Variants in SMARCA5 observed in about 807,000 individuals in gnomAD.
The protein encoded by SMARCA5 is SNF2 related chromatin remodeling ATPase 5, also known as SWI/SNF-related matrix-associated actin-dependent regulator of chromatin subfamily A member 5.
In SMARCA5, 18 loss-of-function variants were observed where a neutral mutation model predicts 140.4. That is an observed-to-expected ratio of 0.13 (90% CI 0.09 to 0.19). The LOEUF (loss-of-function observed/expected upper bound fraction) is 0.19. Among genes scored for constraint, SMARCA5 ranks in the 10% least tolerant of loss-of-function variants. SMARCA5 has a pLI of 1.00. For missense variants in SMARCA5, 606 were observed against 1,276.8 expected (o/e 0.47, Z 8.01); for synonymous variants, 449 against 419.6 (o/e 1.07, Z -0.86).
At chr4:143,545,374 A>G (rs963728966) in intron 17 of SMARCA5, 96 bp from the exon 18 acceptor site, 55 of 733,056 alleles carry the variant, frequency 7.5e-5, no homozygotes, top group South Asian at 4.0e-4. Context: ...AGTTGCTTGC[A>G]GAATTGGCTG....
chr4:143,523,521 A>G (rs781440843), intron 3 of SMARCA5, among the ~76,000 whole-genome samples: 3 of 152,202 alleles, frequency 2.0e-5, no homozygotes, highest in Admixed American at 2.0e-4. Context: ...AGATCTTTGT[A>G]CTCAATTTCA....
At chr4:143,520,814 A>C (rs1205007635) in intron 2 of SMARCA5, among the ~76,000 whole-genome samples, 1 of 151,956 alleles carries the variant, frequency 6.6e-6, no homozygotes, top group Non-Finnish European at 1.5e-5. Flanking sequence ...TGCCCAAGTA[A>C]ATTTTTTCCA....
intron 21 of SMARCA5, 68 bp downstream of exon 21, chr4:143,547,571 CT>C: frequency 3.6e-6 from 3 of 824,680 alleles, no homozygotes; most frequent in Non-Finnish European, 6.1e-6. Flanking sequence ...GAGAGAGTGA[CT>C]TTTTATAAAG....
chr4:143,533,418 C>A (rs1429661371), intron 9 of SMARCA5, among the ~76,000 whole-genome samples: 1 of 150,682 alleles, frequency 6.6e-6, no homozygotes, highest in Non-Finnish European at 1.5e-5. Context: ...GAAGTGTGTA[C>A]TTTTATATTC....
At chr4:143,527,306 G>A (rs908088351) in intron 6 of SMARCA5, among the ~76,000 whole-genome samples, 1 of 152,092 alleles carries the variant, frequency 6.6e-6, no homozygotes, top group Non-Finnish European at 1.5e-5. Flanking sequence ...TTACCTGTGA[G>A]TGATAAGTCT....
At position 143,546,011 on chromosome 4, in the gene SMARCA5, T is replaced by A; in HGVS notation, c.2484T>A (p.Asp828Glu). ...LKIDEAESLN[D>E]EELEEKEKLL... Reference sequence around the variant, plus strand: ...TTGATGAAGCTGAATCCCTTAATGATGAAGAGTTAGAGGAAAAAGAGAAGC... The same window carrying A: ...TTGATGAAGCTGAATCCCTTAATGAAGAAGAGTTAGAGGAAAAAGAGAAGC... The change falls in exon 19 of 24, where the codon GAT becomes GAA. Residue 828 changes from aspartate (D) to glutamate (E), a missense_variant. Transcript: ENST00000283131. 4 of 1,609,446 alleles carry A rather than the reference T, an allele frequency of 2.5e-6. No homozygotes were observed. The highest frequency in any genetic ancestry group is 3.4e-6 in the Non-Finnish European group (4 of 1,177,612).
At chr4:143,551,363 T>C (rs1296010119) in intron 23 of SMARCA5, among the ~76,000 whole-genome samples, 2 of 152,150 alleles carry the variant, frequency 1.3e-5, no homozygotes, top group Non-Finnish European at 2.9e-5. Context: ...TTCTGTGGGA[T>C]GTCTCTTCAC....
chr4:143,546,751 A>G (rs1241475084), intron 19 of SMARCA5, 25 bp from the exon 20 acceptor site: 2 of 1,596,486 alleles, frequency 1.3e-6, no homozygotes, highest in Non-Finnish European at 1.7e-6. Flanking sequence ...CTGTGATTAA[A>G]TATTTTGTTT....
rs1223113183 is a variant in SMARCA5 at position 143,538,920 on chromosome 4, A to G, written c.1752A>G (p.Gln584=). The G allele has an allele frequency of 3.1e-6, 5 of 1,613,870 alleles. No individual in the cohort carries two copies. The highest frequency in any genetic ancestry group is 2.2e-5 in the East Asian group (1 of 44,894). ...VILYDSDWNP[Q]VDLQAMDRAH... ...TGTATGATTCTGATTGGAATCCCCA[A>G]GTAGATCTTCAGGCTATGGTAAGAG... is the stretch of plus-strand genomic sequence containing the variant. The change falls in exon 13 of 24, where the codon CAA becomes CAG. Residue 584 remains glutamine, a synonymous_variant. Transcript: ENST00000283131.
intron 9 of SMARCA5, among the ~76,000 whole-genome samples, chr4:143,531,364 C>G (rs1737179301): frequency 6.6e-6 from 1 of 152,204 alleles, no homozygotes; most frequent in African/African-American, 2.4e-5. Flanking sequence ...AGAAACTTCT[C>G]TAACAGACAC....
intron 8 of SMARCA5, 107 bp from the exon 9 acceptor site, chr4:143,530,351 G>A: frequency 1.5e-6 from 1 of 645,868 alleles, no homozygotes; most frequent in Non-Finnish European, 2.5e-6. Flanking sequence ...TTTTTTGTGG[G>A]TTACAATTCA....
At chr4:143,521,375 C>T in intron 2 of SMARCA5, 54 bp from the exon 3 acceptor site, 4 of 1,315,354 alleles carry the variant, frequency 3.0e-6, no homozygotes, top group South Asian at 1.4e-5. Context: ...ACTTTGATTT[C>T]TGAAGTTTTA....
At chr4:143,544,676 A>G in intron 16 of SMARCA5, 61 bp from the exon 17 acceptor site, 1 of 909,084 alleles carries the variant, frequency 1.1e-6, no homozygotes, top group South Asian at 1.4e-5. Context: ...ATCCTTCTTG[A>G]TGATGATTTG....
At chr4:143,536,781 T>G (rs1737313772) in intron 11 of SMARCA5, 103 bp downstream of exon 11, 2 of 793,214 alleles carry the variant, frequency 2.5e-6, no homozygotes, top group African/African-American at 3.5e-5. Flanking sequence ...CTTTCCAAGG[T>G]TGACGTGTAG....
At chr4:143,527,513 A>G (rs952031284) in intron 6 of SMARCA5, among the ~76,000 whole-genome samples, 3 of 152,158 alleles carry the variant, frequency 2.0e-5, no homozygotes, top group Non-Finnish European at 2.9e-5. Flanking sequence ...ACTGCTAACT[A>G]TCTTTCCACC....
chr4:143,525,359 A>G (rs1278506644), intron 4 of SMARCA5, 92 bp from the exon 5 acceptor site: 2 of 795,982 alleles, frequency 2.5e-6, no homozygotes, highest in Admixed American at 1.9e-5. Context: ...AGTAATGAAA[A>G]TAAAGTCAGT....
chr4:143,517,550 T>C, intron 2 of SMARCA5, 121 bp downstream of exon 2: 1 of 577,254 alleles, frequency 1.7e-6, no homozygotes, highest in Non-Finnish European at 2.9e-6. Flanking sequence ...GGGTAATTTA[T>C]AAAGAAACGA....
chr4:143,526,563 G>A (rs748553835), intron 6 of SMARCA5, 103 bp downstream of exon 6: 21 of 730,486 alleles, frequency 2.9e-5, no homozygotes, highest in Non-Finnish European at 4.4e-5. Context: ...CGGGATCTTC[G>A]CAAATATTAG....
At chr4:143,548,821 T>C (rs1008615137) in intron 22 of SMARCA5, among the ~76,000 whole-genome samples, 2 of 152,072 alleles carry the variant, frequency 1.3e-5, no homozygotes, top group African/African-American at 4.8e-5. Flanking sequence ...TAAACATCTT[T>C]GTGTTTGTTT....
Sources: gnomAD v4.1 joint callset for allele counts (sites outside exome capture counted in the v4.1 genomes callset) on GRCh38, gnomAD v4.1.1 for gene constraint, MANE v1.5 for transcripts, NCBI Gene and HGNC (gene_info 2026-07-23, HGNC 2026-07-21) for gene names.